NAT1: variants seen among roughly 807,000 people sequenced by gnomAD.
The protein encoded by NAT1 is arylamine N-acetyltransferase 1.
For synonymous variants in NAT1, 144 were observed against 122.6 expected, an observed-to-expected ratio of 1.17 and a Z score of -1.16; for missense variants, 400 against 339.2, an observed-to-expected ratio of 1.18 and a Z score of -1.41.
intron 1 of NAT1, among the ~76,000 whole-genome samples, chr8:18,216,375 G>A (rs1217429367): frequency 6.6e-6 from 1 of 152,170 alleles, no homozygotes; most frequent in Non-Finnish European, 1.5e-5. Flanking sequence ...CAAAAGCTTA[G>A]CGGCTGTCAG....
upstream of NAT1, among the ~76,000 whole-genome samples, chr8:18,209,526 C>G (rs1803886956): frequency 6.6e-6 from 1 of 152,130 alleles, no homozygotes; most frequent in African/African-American, 2.4e-5. Flanking sequence ...AGTTGTAGAT[C>G]AATACCATGA....
chr8:18,219,342 C>T, intron 1 of NAT1, 69 bp from the exon 2 acceptor site: 2 of 1,091,030 alleles, frequency 1.8e-6, no homozygotes, highest in South Asian at 2.9e-5. Flanking sequence ...TTACGGTCTA[C>T]AAAACTATTA....
chr8:18,201,752 C>G (rs752301668), intron 2 of NAT1, among the ~76,000 whole-genome samples: 1 of 152,114 alleles, frequency 6.6e-6, no homozygotes, highest in African/African-American at 2.4e-5. Context: ...GTGCTTCCCT[C>G]TTTTTGGGGA....
intron 2 of NAT1, among the ~76,000 whole-genome samples, chr8:18,189,925 G>T (rs757094292): frequency 2.0e-5 from 3 of 152,066 alleles, no homozygotes; most frequent in Non-Finnish European, 4.4e-5. Context: ...GAGTAGCTGG[G>T]ACTACATGCA....
chr8:18,213,617 C>A (rs563844514), intron 1 of NAT1, among the ~76,000 whole-genome samples: 2 of 152,292 alleles, frequency 1.3e-5, no homozygotes, highest in Admixed American at 1.3e-4. Flanking sequence ...CTCCTGCCCT[C>A]TCCTTTCCTC....
chr8:18,184,224 T>G (rs1802639390), intron 2 of NAT1, among the ~76,000 whole-genome samples: 1 of 152,162 alleles, frequency 6.6e-6, no homozygotes, highest in Non-Finnish European at 1.5e-5. Flanking sequence ...GCCTGCAGAA[T>G]TAGAACCACA....
intron 2 of NAT1, among the ~76,000 whole-genome samples, chr8:18,202,737 T>C (rs1460458435): frequency 6.6e-6 from 1 of 152,170 alleles, no homozygotes; most frequent in East Asian, 1.9e-4. Flanking sequence ...CGGTGAGTGT[T>C]ACAGCTTACA....
chr8:18,179,383 A>T (rs1355118733), intron 2 of NAT1, among the ~76,000 whole-genome samples: 1 of 152,144 alleles, frequency 6.6e-6, no homozygotes, highest in African/African-American at 2.4e-5. Context: ...GAAATTTTGG[A>T]GCATTTTCTA....
chr8:18,217,202 G>C (rs1804764723), intron 1 of NAT1, among the ~76,000 whole-genome samples: 1 of 152,182 alleles, frequency 6.6e-6, no homozygotes, highest in Non-Finnish European at 1.5e-5. Flanking sequence ...GGAGAAATTT[G>C]GTATCCAGTT....
intron 2 of NAT1, among the ~76,000 whole-genome samples, chr8:18,177,511 G>T (rs1802336411): frequency 6.6e-6 from 1 of 151,948 alleles, no homozygotes; most frequent in Non-Finnish European, 1.5e-5. Context: ...TATTCATTTG[G>T]TGTCACTGTC....
chr8:18,177,200 A>G (rs1326268378), intron 2 of NAT1, among the ~76,000 whole-genome samples: 3 of 152,072 alleles, frequency 2.0e-5, no homozygotes, highest in Non-Finnish European at 4.4e-5. Context: ...ATGAAAAAGA[A>G]TTAACGCTCA....
At chr8:18,192,768 C>A (rs994440048) in intron 2 of NAT1, among the ~76,000 whole-genome samples, 1 of 151,844 alleles carries the variant, frequency 6.6e-6, no homozygotes, top group Non-Finnish European at 1.5e-5. Context: ...CATGTTCTCA[C>A]CCATAGATGG....
upstream of NAT1, among the ~76,000 whole-genome samples, chr8:18,205,761 C>T (rs886817601): frequency 1.2e-4 from 18 of 152,268 alleles, no homozygotes; most frequent in South Asian, 4.1e-4. Flanking sequence ...GCATGGGGGC[C>T]GCCATGCTAG....
At chr8:18,195,926 A>C (rs1228945670) in intron 2 of NAT1, among the ~76,000 whole-genome samples, 1 of 152,118 alleles carries the variant, frequency 6.6e-6, no homozygotes, top group Non-Finnish European at 1.5e-5. Context: ...TAGATTAAAA[A>C]AAAAAAGACC....
At chr8:18,186,500 G>C (rs1389695636) in intron 2 of NAT1, among the ~76,000 whole-genome samples, 1 of 151,990 alleles carries the variant, frequency 6.6e-6, no homozygotes, top group Non-Finnish European at 1.5e-5. Context: ...ACATATGTAA[G>C]TAGCATATAG....
rs1207468857 is a variant in NAT1, at chr8:18,222,533, C to A, written c.486C>A (p.Asp162Glu). Residue 162 changes from aspartate to glutamate, a missense_variant, in exon 3 of 3, where the codon GAC becomes GAA. Physicochemically the swap from Asp to Glu is conservative, Grantham distance 45. Coordinates refer to ENST00000307719, the MANE Select transcript of NAT1 (RefSeq NM_000662.8). Reference sequence around the variant, plus strand: ...AAGAGAATGGATTCTGGTATCTAGACCAAATCAGAAGGGAACAGTACATTC... The same window carrying A: ...AAGAGAATGGATTCTGGTATCTAGAACAAATCAGAAGGGAACAGTACATTC... Reference protein sequence around the residue: ...LTEENGFWYLDQIRREQYIPN... With the variant: ...LTEENGFWYLEQIRREQYIPN... 1.9e-6 allele frequency: 3 copies of A among 1,613,980 alleles called. No homozygotes were observed. The South Asian group carries it at 3.3e-5, about 18-fold the overall frequency.
intron 2 of NAT1, among the ~76,000 whole-genome samples, chr8:18,199,023 C>CT (rs35361039): frequency 0.042 from 6,398 of 151,638 alleles, 216 homozygotes; most frequent in East Asian, 0.13. Flanking sequence ...CCTTTAAGAC[C>CT]TTTTTTTTGG....
At chr8:18,207,223 T>C (rs1282221958), upstream of NAT1, among the ~76,000 whole-genome samples, 1 of 152,200 alleles carries the variant, frequency 6.6e-6, no homozygotes, top group Non-Finnish European at 1.5e-5. Flanking sequence ...TTCTGTTACA[T>C]TGGTCTATGT....
At chr8:18,175,979 T>G (rs1363546659) in intron 2 of NAT1, among the ~76,000 whole-genome samples, 1 of 152,152 alleles carries the variant, frequency 6.6e-6, no homozygotes, top group Non-Finnish European at 1.5e-5. Flanking sequence ...GCATTTTTCA[T>G]GTATCTGTTA....
Sources: allele counts gnomAD v4.1 joint callset (sites outside exome capture counted in the v4.1 genomes callset), GRCh38; gene constraint gnomAD v4.1.1; transcripts MANE v1.5; gene names NCBI Gene and HGNC (gene_info 2026-07-23, HGNC 2026-07-21).